Variants in ASAP2 observed in about 807,000 individuals in gnomAD.
The protein encoded by ASAP2 is arf-GAP with SH3 domain, ANK repeat and PH domain-containing protein 2.
A neutral mutation model predicts 131.4 loss-of-function variants in ASAP2; 45 were observed. The ratio of observed to expected loss-of-function variants is 0.34; its 90% CI spans 0.27 to 0.44. The LOEUF (loss-of-function observed/expected upper bound fraction) is 0.44. Among genes scored for constraint, ASAP2 ranks in the 20% least tolerant of loss-of-function variants. The probability of loss-of-function intolerance (pLI) is 1.00; values close to 1 mark genes in which losing one functional copy is unlikely to be tolerated. For missense variants in ASAP2, 1,011 were observed against 1,297.0 expected (o/e 0.78, Z 3.39); for synonymous variants, 510 against 503.0 (o/e 1.01, Z -0.19).
chr2:9,391,634 G>T (rs1481619942), intron 23 of ASAP2, among the ~76,000 whole-genome samples: 1 of 149,738 alleles, frequency 6.7e-6, no homozygotes, highest in Non-Finnish European at 1.5e-5. Flanking sequence ...GGATGCAATG[G>T]CACAATCTTG....
At chr2:9,257,141 G>A (rs1665222478) in intron 1 of ASAP2, among the ~76,000 whole-genome samples, 3 of 152,242 alleles carry the variant, frequency 2.0e-5, no homozygotes, top group Admixed American at 2.0e-4. Context: ...TTCGTGGAGT[G>A]TTTACACGTG....
rs374878966 is a variant in ASAP2 at position 9,387,171 on chromosome 2, G to A, written c.2131-1123G>A. Among the ~76,000 whole-genome samples, 26 of 139,406 alleles carry A rather than the reference G, an allele frequency of 1.9e-4. No homozygotes were observed. The South Asian group carries it at 4.5e-3, about 24-fold the overall frequency. The allele number at this position is 139,406 out of a possible 152,430, so 91.5% of individuals were successfully genotyped here. On this transcript the variant is annotated intron_variant, in intron 21 of 27. Transcript: ENST00000281419. ...GGAGCTTGCAGTGAGCTGGGATTGC[G>A]CCACTGCATTCCAGCCTGGGCAACA...
chr2:9,322,485 C>CA (rs1670215560), intron 5 of ASAP2, among the ~76,000 whole-genome samples: 1 of 152,180 alleles, frequency 6.6e-6, no homozygotes, highest in African/African-American at 2.4e-5. Flanking sequence ...AATAAAAACT[C>CA]ACGGCTATTT....
At chr2:9,302,579 A>G (rs917712954) in intron 3 of ASAP2, among the ~76,000 whole-genome samples, 3 of 152,008 alleles carry the variant, frequency 2.0e-5, no homozygotes, top group African/African-American at 7.2e-5. Context: ...GGTTCCAGCT[A>G]TTCTTGTGCC....
At chr2:9,269,035 C>G (rs1356006414) in intron 1 of ASAP2, among the ~76,000 whole-genome samples, 1 of 152,022 alleles carries the variant, frequency 6.6e-6, no homozygotes, top group Non-Finnish European at 1.5e-5. Flanking sequence ...TGCATGGATC[C>G]TTGAGGCCAG....
intron 1 of ASAP2, among the ~76,000 whole-genome samples, chr2:9,216,144 G>T (rs530402312): frequency 6.6e-6 from 1 of 152,292 alleles, no homozygotes; most frequent in African/African-American, 2.4e-5. Context: ...AGATTCATGG[G>T]CACCACCTAC....
intron 20 of ASAP2, among the ~76,000 whole-genome samples, chr2:9,382,904 G>A (rs957514298): frequency 3.3e-5 from 5 of 152,210 alleles, no homozygotes; most frequent in Admixed American, 2.0e-4. Flanking sequence ...CAGAGAAAGA[G>A]TTTAATTATG....
intron 7 of ASAP2, among the ~76,000 whole-genome samples, chr2:9,333,730 C>T (rs985611073): frequency 3.3e-5 from 5 of 152,122 alleles, no homozygotes; most frequent in Non-Finnish European, 7.4e-5. Flanking sequence ...CTCCTTAGCT[C>T]GTGGAAATGC....
rs1171053543 is a variant in ASAP2, at chr2:9,388,466, G to A, written c.2303G>A (p.Ser768Asn). 1 of 1,614,108 alleles carries A rather than the reference G, an allele frequency of 6.2e-7. No homozygotes were observed. The highest frequency in any genetic ancestry group is 8.5e-7 in the Non-Finnish European group (1 of 1,180,022). ...AATGAGACTTACGGAGCCCTCCTGA[G>A]TGGCAGCCCACCTCCCGCCCAGCCT... ...LQNETYGALL[S>N]GSPPPAQPAA... Residue 768 changes from serine (S) to asparagine (N), a missense_variant, in exon 22 of 28, where the codon AGT becomes AAT. Transcript: ENST00000281419.
intron 9 of ASAP2, among the ~76,000 whole-genome samples, chr2:9,338,218 TGG>T (rs1671346434): frequency 6.6e-6 from 1 of 152,192 alleles, no homozygotes; most frequent in Admixed American, 6.5e-5. Flanking sequence ...GATCAGGCTC[TGG>T]GGCATGGTCT....
At chr2:9,306,424 C>T (rs890856632) in intron 3 of ASAP2, among the ~76,000 whole-genome samples, 2 of 151,750 alleles carry the variant, frequency 1.3e-5, no homozygotes, top group Non-Finnish European at 2.9e-5. Context: ...TTCTTAAAGG[C>T]AGAAGAGCGG....
At chr2:9,304,954 A>AG (rs1056372630) in intron 3 of ASAP2, among the ~76,000 whole-genome samples, 5 of 124,752 alleles carry the variant, frequency 4.0e-5, no homozygotes, top group Non-Finnish European at 6.6e-5. Context: ...ATATTGGCGG[A>AG]GGGGGTTGTA....
chr2:9,337,929 A>T (rs1160669816), intron 9 of ASAP2, among the ~76,000 whole-genome samples: 1 of 152,212 alleles, frequency 6.6e-6, no homozygotes, highest in Admixed American at 6.5e-5. Context: ...ATAGTGCAAT[A>T]TTATACAATG....
chr2:9,271,268 CA>C, intron 1 of ASAP2: 1 of 747,002 alleles, frequency 1.3e-6, no homozygotes, highest in African/African-American at 1.7e-5. Flanking sequence ...ACTTAAACTA[CA>C]GTGAGCCACA....
intron 17 of ASAP2, among the ~76,000 whole-genome samples, chr2:9,375,946 G>A (rs544933259): frequency 1.2e-4 from 18 of 152,322 alleles, no homozygotes; most frequent in African/African-American, 3.6e-4. Flanking sequence ...CATCCAGCTG[G>A]AGTGGGTTTG....
intron 20 of ASAP2, 152 bp downstream of exon 20, chr2:9,380,960 G>A (rs537880529): frequency 1.2e-4 from 105 of 884,044 alleles, no homozygotes; most frequent in Non-Finnish European, 1.5e-4. Flanking sequence ...CTGCCTTGGA[G>A]AAGGTATGCT....
chr2:9,375,583 A>C (rs1442791813), intron 17 of ASAP2, among the ~76,000 whole-genome samples: 1 of 152,188 alleles, frequency 6.6e-6, no homozygotes, highest in Non-Finnish European at 1.5e-5. Flanking sequence ...TTTGAAATAG[A>C]CGCTATGTAG....
chr2:9,235,275 G>A (rs377549631), intron 1 of ASAP2, among the ~76,000 whole-genome samples: 2 of 152,190 alleles, frequency 1.3e-5, no homozygotes, highest in African/African-American at 4.8e-5. Flanking sequence ...CTGTGCACCA[G>A]TGTGGCAGGG....
chr2:9,228,277 T>C (rs948428147), intron 1 of ASAP2, among the ~76,000 whole-genome samples: 2 of 152,234 alleles, frequency 1.3e-5, no homozygotes, highest in African/African-American at 4.8e-5. Context: ...GTGTTAAAAA[T>C]ATACTTATGT....
Sources: allele counts gnomAD v4.1 joint callset (sites outside exome capture counted in the v4.1 genomes callset), GRCh38; gene constraint gnomAD v4.1.1; transcripts MANE v1.5; gene names NCBI Gene and HGNC (gene_info 2026-07-23, HGNC 2026-07-21).